MAPRE2: variants seen among roughly 807,000 people sequenced by gnomAD.
MAPRE2 encodes the protein microtubule-associated protein RP/EB family member 2.
Under a neutral mutation model 43.2 loss-of-function variants are expected in MAPRE2, and 13 were observed. The ratio of observed to expected loss-of-function variants is 0.30; its 90% CI spans 0.20 to 0.48. The LOEUF is 0.48. Among genes scored for constraint, MAPRE2 ranks in the 20% least tolerant of loss-of-function variants. The pLI, the probability that MAPRE2 is intolerant of heterozygous loss-of-function variation, is 0.99. For missense variants in MAPRE2, 161 were observed against 400.2 expected (o/e 0.40, Z 5.10); for synonymous variants, 135 against 148.8 (o/e 0.91, Z 0.68).
chr18:35,063,081 G>C (rs2150616248), intron 1 of MAPRE2, among the ~76,000 whole-genome samples: 1 of 152,192 alleles, frequency 6.6e-6, no homozygotes, highest in South Asian at 2.1e-4. Context: ...TTGGCATGCG[G>C]TGGGTTGAAC....
intron 2 of MAPRE2, among the ~76,000 whole-genome samples, chr18:35,086,243 T>A (rs944709392): frequency 8.6e-5 from 13 of 152,032 alleles, no homozygotes; most frequent in African/African-American, 3.1e-4. Context: ...TGAGACTTTT[T>A]TTGACACCAA....
At chr18:34,984,814 C>CA (rs71166036) in intron 1 of MAPRE2, among the ~76,000 whole-genome samples, 91,046 of 105,864 alleles carry the variant, frequency 0.86, 40,005 homozygotes, top group East Asian at 0.98. Flanking sequence ...TTATATAATA[C>CA]TAAAAATATA....
chr18:35,108,826 T>C (rs111752845), intron 4 of MAPRE2, among the ~76,000 whole-genome samples: 8 of 152,150 alleles, frequency 5.3e-5, no homozygotes, highest in Admixed American at 1.3e-4. Flanking sequence ...ATGGGGTTTT[T>C]TCTTTCTTGT....
At chr18:35,000,059 G>A (rs186374453) in intron 1 of MAPRE2, among the ~76,000 whole-genome samples, 15 of 152,198 alleles carry the variant, frequency 9.9e-5, no homozygotes, top group Admixed American at 7.9e-4. Context: ...TTTATTCCTA[G>A]AAAGCTATGG....
At chr18:35,003,233 T>C (rs147750026) in intron 1 of MAPRE2, among the ~76,000 whole-genome samples, 1 of 152,276 alleles carries the variant, frequency 6.6e-6, no homozygotes, top group East Asian at 1.9e-4. Context: ...ACATGCTAGG[T>C]CCTGAACTTA....
intron 1 of MAPRE2, among the ~76,000 whole-genome samples, chr18:34,996,942 T>A (rs1174381949): frequency 6.6e-6 from 1 of 152,188 alleles, no homozygotes; most frequent in Non-Finnish European, 1.5e-5. Flanking sequence ...TCCCCTTTAC[T>A]AGCTGTGTGA....
chr18:35,049,228 T>A (rs1325985361), intron 1 of MAPRE2, among the ~76,000 whole-genome samples: 1 of 152,152 alleles, frequency 6.6e-6, no homozygotes, highest in Admixed American at 6.5e-5. Context: ...TATCCCTGAT[T>A]GAAGGGCCCT....
chr18:35,003,099 G>C (rs1308075017), intron 1 of MAPRE2, among the ~76,000 whole-genome samples: 3 of 152,092 alleles, frequency 2.0e-5, no homozygotes, highest in Non-Finnish European at 2.9e-5. Context: ...CAGACAATGA[G>C]AGCTCTACTC....
At chr18:35,009,620 C>T (rs778816866) in intron 2 of MAPRE2, among the ~76,000 whole-genome samples, 2 of 152,158 alleles carry the variant, frequency 1.3e-5, no homozygotes, top group Non-Finnish European at 2.9e-5. Context: ...ACCAACATTC[C>T]AATTAAAGTT....
intron 1 of MAPRE2, chr18:34,984,505 T>A (rs1445851625): frequency 6.6e-6 from 1 of 151,812 alleles, no homozygotes; most frequent in East Asian, 1.9e-4. Flanking sequence ...TCAGCTAAAT[T>A]ATTTCTAAAA....
intron 2 of MAPRE2, among the ~76,000 whole-genome samples, chr18:35,083,228 A>G (rs1391950769): frequency 1.3e-5 from 2 of 152,194 alleles, no homozygotes; most frequent in Admixed American, 1.3e-4. Context: ...TTTAAAAAAT[A>G]AAGCACCTTT....
chr18:35,096,895 G>A (rs1603400636), intron 2 of MAPRE2, among the ~76,000 whole-genome samples: 2 of 151,942 alleles, frequency 1.3e-5, no homozygotes, highest in Admixed American at 6.6e-5. Context: ...CCTGTGTGGG[G>A]GTTCTGTAGT....
At position 35,041,512 on chromosome 18, in the gene MAPRE2, GT is replaced by G. The variant is rs751613244; in HGVS notation, c.-25del. 20 of 1,614,110 alleles carry G rather than the reference GT, an allele frequency of 1.2e-5. No homozygotes were observed. Among genetic ancestry groups the G allele is most frequent in the Non-Finnish European group, 5.9e-6 (7 of 1,180,030 alleles). On this transcript the variant is annotated 5_prime_UTR_variant, in exon 1 of 7. Transcript: ENST00000300249. ...CTTCCTCACCAGCCAGCCCACAGCGGTTTGTTCCCCTTCTCGGGAGTGCGCC... is the reference window on the plus strand; with the variant it reads ...CTTCCTCACCAGCCAGCCCACAGCGGTTGTTCCCCTTCTCGGGAGTGCGCC...
At chr18:35,036,084 A>G (rs2097050430) in intron 2 of MAPRE2, among the ~76,000 whole-genome samples, 1 of 151,410 alleles carries the variant, frequency 6.6e-6, no homozygotes, top group Admixed American at 6.6e-5. Context: ...TTTATCGCAA[A>G]AGAACAATTT....
At chr18:35,123,508 G>A (rs961838535) in intron 4 of MAPRE2, among the ~76,000 whole-genome samples, 1 of 152,122 alleles carries the variant, frequency 6.6e-6, no homozygotes, top group African/African-American at 2.4e-5. Context: ...GCACAGGCTT[G>A]GACAGCCCAG....
chr18:35,018,687 C>T (rs1042677510), intron 2 of MAPRE2, among the ~76,000 whole-genome samples: 23 of 151,564 alleles, frequency 1.5e-4, no homozygotes, highest in African/African-American at 5.6e-4. Flanking sequence ...TTTGTCACTT[C>T]CAATTGTACT....
intron 2 of MAPRE2, among the ~76,000 whole-genome samples, chr18:35,010,190 C>T (rs2097033782): frequency 6.6e-6 from 1 of 151,990 alleles, no homozygotes; most frequent in African/African-American, 2.4e-5. Context: ...GGTTCAAGAC[C>T]AGCCTGGGCA....
intron 1 of MAPRE2, among the ~76,000 whole-genome samples, chr18:35,059,406 G>A (rs1401860385): frequency 6.6e-6 from 1 of 151,996 alleles, no homozygotes; most frequent in African/African-American, 2.4e-5. Context: ...ATAGCACTAG[G>A]GGCACGTATT....
At chr18:35,140,124 A>G (rs1910563228) in intron 6 of MAPRE2, among the ~76,000 whole-genome samples, 171 bp from the exon 7 acceptor site, 1 of 152,182 alleles carries the variant, frequency 6.6e-6, no homozygotes, top group African/African-American at 2.4e-5. Flanking sequence ...GCCCCTGCAT[A>G]TGTATCAGAC....
Sources: gnomAD v4.1 joint callset for allele counts (sites outside exome capture counted in the v4.1 genomes callset) on GRCh38, gnomAD v4.1.1 for gene constraint, MANE v1.5 for transcripts, NCBI Gene and HGNC (gene_info 2026-07-23, HGNC 2026-07-21) for gene names.